The following TRIO variants were observed in gnomAD, a reference collection of about 807,000 sequenced individuals.
TRIO encodes the protein triple functional domain protein.
A neutral mutation model predicts 351.9 loss-of-function variants in TRIO; 58 were observed. That is an observed-to-expected ratio of 0.16 (90% CI 0.13 to 0.21). TRIO has a LOEUF of 0.21. TRIO is among the 10% of genes least tolerant of loss of function. The pLI is 1.00. For synonymous variants in TRIO, 1,758 were observed against 1,595.7 expected (o/e 1.10, Z -2.42); for missense variants, 3,201 against 4,027.8 (o/e 0.79, Z 5.56).
intron 1 of TRIO, among the ~76,000 whole-genome samples, chr5:14,186,918 C>T (rs192128998): frequency 1.3e-5 from 2 of 152,284 alleles, no homozygotes; most frequent in Admixed American, 1.3e-4. Context: ...GGGCACAATG[C>T]CACATGATTT....
intron 1 of TRIO, among the ~76,000 whole-genome samples, chr5:14,178,015 T>G (rs553904775): frequency 1.3e-5 from 2 of 152,360 alleles, no homozygotes; most frequent in East Asian, 3.8e-4. Context: ...ACAGATACTG[T>G]TTGTCATGTG....
At chr5:14,345,025 G>C (rs907967463) in intron 11 of TRIO, among the ~76,000 whole-genome samples, 1 of 152,132 alleles carries the variant, frequency 6.6e-6, no homozygotes, top group South Asian at 2.1e-4. Context: ...TAAAGCATTT[G>C]TACTGGCCAG....
chr5:14,425,426 G>T (rs1038227704), intron 34 of TRIO, among the ~76,000 whole-genome samples: 3 of 152,214 alleles, frequency 2.0e-5, no homozygotes, highest in Non-Finnish European at 4.4e-5. Context: ...CTTGTATGCA[G>T]ATGCCACATT....
At chr5:14,400,379 G>GA (rs2152375009) in intron 30 of TRIO, among the ~76,000 whole-genome samples, 1 of 152,180 alleles carries the variant, frequency 6.6e-6, no homozygotes, top group East Asian at 1.9e-4. Context: ...GCATCAGGGG[G>GA]ACCTTGACTG....
At chr5:14,399,608 TGGAGACA>T (rs757569653) in intron 30 of TRIO, among the ~76,000 whole-genome samples, 7 of 152,242 alleles carry the variant, frequency 4.6e-5, no homozygotes, top group Non-Finnish European at 8.8e-5. Context: ...CCCAGCTATG[TGGAGACA>T]GCTGCCCCTG....
intron 1 of TRIO, among the ~76,000 whole-genome samples, chr5:14,177,596 C>G (rs1473426993): frequency 2.6e-5 from 4 of 152,156 alleles, no homozygotes; most frequent in Non-Finnish European, 5.9e-5. Flanking sequence ...ACAAAAAAAG[C>G]TAACAGGGTA....
intron 8 of TRIO, among the ~76,000 whole-genome samples, chr5:14,313,775 A>G (rs893389610): frequency 4.6e-5 from 7 of 152,210 alleles, no homozygotes; most frequent in African/African-American, 1.7e-4. Flanking sequence ...CTTGGCGGCA[A>G]GGAGGAGGAA....
chr5:14,261,087 C>T (rs184878684), intron 1 of TRIO, among the ~76,000 whole-genome samples: 3 of 152,192 alleles, frequency 2.0e-5, no homozygotes, highest in South Asian at 2.1e-4. Context: ...GTTTTAGGGC[C>T]GGCAGGAGGT....
intron 34 of TRIO, among the ~76,000 whole-genome samples, chr5:14,453,635 T>C (rs1274066838): frequency 1.3e-5 from 2 of 152,198 alleles, no homozygotes; most frequent in Non-Finnish European, 2.9e-5. Flanking sequence ...CATGCCAGAA[T>C]GTTTGCTGTG....
chr5:14,197,898 A>AG (rs1790875838), intron 1 of TRIO, among the ~76,000 whole-genome samples: 2 of 152,172 alleles, frequency 1.3e-5, no homozygotes, highest in Admixed American at 1.3e-4. Flanking sequence ...TTTGTTCTTA[A>AG]GGGAGATGCT....
intron 1 of TRIO, among the ~76,000 whole-genome samples, chr5:14,239,409 T>G (rs1180292420): frequency 6.6e-6 from 1 of 152,188 alleles, no homozygotes; most frequent in Non-Finnish European, 1.5e-5. Flanking sequence ...GTTTCCTTGG[T>G]GTCTCTACTA....
intron 13 of TRIO, among the ~76,000 whole-genome samples, chr5:14,361,650 G>A (rs1744162064): frequency 1.3e-5 from 2 of 152,186 alleles, no homozygotes; most frequent in Non-Finnish European, 1.5e-5. Flanking sequence ...CATATCTCTT[G>A]TGTTTCAATT....
At chr5:14,255,518 A>G (rs1315987509) in intron 1 of TRIO, among the ~76,000 whole-genome samples, 1 of 152,244 alleles carries the variant, frequency 6.6e-6, no homozygotes, top group Non-Finnish European at 1.5e-5. Context: ...ACTGGAGGCA[A>G]GTCACGGGAG....
chr5:14,487,739 A>G lies in TRIO; in HGVS notation c.7111A>G (p.Thr2371Ala). 1 of 1,411,452 alleles carries G rather than the reference A, an allele frequency of 7.1e-7. No homozygotes were observed. The highest frequency in any genetic ancestry group is 2.0e-4 in the Middle Eastern group (1 of 5,098). The allele number at this position is 1,411,452 out of a possible 1,614,324, so 87.4% of individuals were successfully genotyped here. ...GGCAGACAAGATGTCAGGTACGTCC[A>G]CCCCCGGGCCCTCCCTGCCTCCCCC... ...AEADKMSGTSTPGPSLPPPGA... is the reference protein window; with the variant it reads ...AEADKMSGTSAPGPSLPPPGA... The change falls in exon 48 of 57, where the codon ACC becomes GCC. Residue 2371 changes from threonine (T) to alanine (A), a missense_variant. Coordinates refer to ENST00000344204, the MANE Select transcript of TRIO (RefSeq NM_007118.4).
At position 14,330,700 on chromosome 5, in the gene TRIO, G is replaced by A. The variant is rs1482945002; in HGVS notation, c.1732-78G>A. 18 of 1,488,250 alleles carry A rather than the reference G, an allele frequency of 1.2e-5. No homozygotes were observed. The Admixed American group carries it at 3.6e-4, about 30-fold the overall frequency. The allele number at this position is 1,488,250 out of a possible 1,614,324, so 92.2% of individuals were successfully genotyped here. Reference sequence around the variant, plus strand: ...TTACAGAGTTTTAACAACAGAAGGGGTCTTCATTGGATAACCTTAAACATT... The same window carrying A: ...TTACAGAGTTTTAACAACAGAAGGGATCTTCATTGGATAACCTTAAACATT... On this transcript the variant is annotated intron_variant, in intron 9 of 56. Coordinates refer to ENST00000344204, the MANE Select transcript of TRIO (RefSeq NM_007118.4).
chr5:14,502,161 G>C (rs777580137), intron 53 of TRIO, among the ~76,000 whole-genome samples: 2 of 152,284 alleles, frequency 1.3e-5, no homozygotes, highest in South Asian at 2.1e-4. Context: ...ACTTAGCCTC[G>C]AGGTGGTGCG....
intron 7 of TRIO, among the ~76,000 whole-genome samples, chr5:14,302,635 T>C (rs1275180955): frequency 2.0e-5 from 3 of 152,226 alleles, no homozygotes; most frequent in Middle Eastern, 3.2e-3. Flanking sequence ...TAAAAGGATT[T>C]CCATAAACAG....
At chr5:14,484,750 C>G (rs1483965063) in intron 46 of TRIO, among the ~76,000 whole-genome samples, 1 of 152,192 alleles carries the variant, frequency 6.6e-6, no homozygotes, top group Non-Finnish European at 1.5e-5. Context: ...ACCCATTAAA[C>G]AGTAACTCCC....
At chr5:14,197,816 T>G (rs1489175775) in intron 1 of TRIO, among the ~76,000 whole-genome samples, 3 of 152,220 alleles carry the variant, frequency 2.0e-5, no homozygotes, top group Non-Finnish European at 2.9e-5. Context: ...CACAGTGGGT[T>G]GCATTGCAGG....
Sources: allele counts gnomAD v4.1 joint callset (sites outside exome capture counted in the v4.1 genomes callset), GRCh38; gene constraint gnomAD v4.1.1; transcripts MANE v1.5; gene names NCBI Gene and HGNC (gene_info 2026-07-23, HGNC 2026-07-21).